The following TMEM38B variants were observed in gnomAD, a reference collection of about 807,000 sequenced individuals.
TMEM38B encodes the protein trimeric intracellular cation channel type B.
In TMEM38B, 24 loss-of-function variants were observed where a neutral mutation model predicts 28.7. That is an observed-to-expected ratio of 0.84 (90% CI 0.61 to 1.18). TMEM38B has a LOEUF of 1.18. Among genes scored for constraint, TMEM38B ranks in the 50% most tolerant of loss-of-function variants. The probability of loss-of-function intolerance (pLI) is 0.00; values close to 1 mark genes in which losing one functional copy is unlikely to be tolerated. For synonymous variants in TMEM38B, 131 were observed against 127.7 expected (o/e 1.03, Z -0.17); for missense variants, 380 against 350.9 (o/e 1.08, Z -0.66).
At chr9:105,747,612 C>T (rs1417807691) in intron 4 of TMEM38B, among the ~76,000 whole-genome samples, 1 of 152,148 alleles carries the variant, frequency 6.6e-6, no homozygotes. Context: ...TTCTTGCCTT[C>T]TGCTAGCTTT....
At chr9:105,753,955 A>G (rs1349066014) in intron 5 of TMEM38B, among the ~76,000 whole-genome samples, 1 of 152,192 alleles carries the variant, frequency 6.6e-6, no homozygotes, top group Non-Finnish European at 1.5e-5. Flanking sequence ...GGCTCAAAAT[A>G]AAGGGATGGA....
At chr9:105,704,189 A>G (rs1835562529) in intron 1 of TMEM38B, among the ~76,000 whole-genome samples, 1 of 152,098 alleles carries the variant, frequency 6.6e-6, no homozygotes, top group Admixed American at 6.5e-5. Flanking sequence ...ATATGTAACT[A>G]ACCTGCACAA....
chr9:105,774,955 T>C lies in TMEM38B; in HGVS notation c.*875T>C, dbSNP rs1826679732. On this transcript the variant is annotated 3_prime_UTR_variant, in exon 6 of 6. Transcript: ENST00000374692. ...CATTTTGCATGTTCTTTCTAATCTTTGTTGGTCTGAATATATTGGTAGTAA... is the reference window on the plus strand; with the variant it reads ...CATTTTGCATGTTCTTTCTAATCTTCGTTGGTCTGAATATATTGGTAGTAA... 1 of 152,114 alleles carries C rather than the reference T, an allele frequency of 6.6e-6. No homozygotes were observed. Among genetic ancestry groups the C allele is most frequent in the Non-Finnish European group, 1.5e-5 (1 of 67,974 alleles). The allele number at this position is 152,114 out of a possible 1,614,324, so 9.4% of individuals were successfully genotyped here. A position where few individuals can be genotyped will look rare whatever the true frequency, so the allele number is the denominator to read the frequency against.
Position 105,774,694 on chromosome 9 carries a change from C to T in TMEM38B, c.*614C>T, listed in dbSNP as rs1826670764. The T allele has an allele frequency of 6.6e-6, 1 of 151,698 alleles. No homozygotes were observed. The highest frequency in any genetic ancestry group is 1.5e-5 in the Non-Finnish European group (1 of 67,866). The allele number at this position is 151,698 out of a possible 1,614,324, so 9.4% of individuals were successfully genotyped here. A position where few individuals can be genotyped will look rare whatever the true frequency, so the allele number is the denominator to read the frequency against. On this transcript the variant is annotated 3_prime_UTR_variant, in exon 6 of 6. Transcript: ENST00000374692. ...ATTTTTTTTCCATAGCAGGTATTTT[C>T]TACTAGAAGTAGTTTTACTACTTTT...
intron 2 of TMEM38B, among the ~76,000 whole-genome samples, chr9:105,711,744 C>G (rs527679493): frequency 6.6e-6 from 1 of 151,238 alleles, no homozygotes; most frequent in South Asian, 2.1e-4. Flanking sequence ...CACCTGAACC[C>G]TGGAAGTCGA....
chr9:105,746,661 T>C (rs1226091311), intron 4 of TMEM38B, among the ~76,000 whole-genome samples: 1 of 152,176 alleles, frequency 6.6e-6, no homozygotes, highest in African/African-American at 2.4e-5. Context: ...GTGCCAGTTT[T>C]CACAGGGAAT....
At position 105,749,182 on chromosome 9, in the gene TMEM38B, A is replaced by T. The variant is rs1360432065; in HGVS notation, c.660+992A>T. On this transcript the variant is annotated intron_variant, in intron 5 of 5. Transcript: ENST00000374692. ...AGTCCTCAAATGTTGAGCCGTGTATATTTTTTTCTAACAGCTTTATTGAGA... is the reference window on the plus strand; with the variant it reads ...AGTCCTCAAATGTTGAGCCGTGTATTTTTTTTTCTAACAGCTTTATTGAGA... The T allele has an allele frequency of 4.4e-6, 5 of 1,141,558 alleles. No homozygotes were observed. The East Asian group carries it at 2.4e-4, about 54-fold the overall frequency. 70.7% of individuals were successfully genotyped at this position (1,141,558 alleles called of 1,614,324 possible). A position where few individuals can be genotyped will look rare whatever the true frequency, so the allele number is the denominator to read the frequency against.
At chr9:105,762,168 C>T (rs1049286149) in intron 5 of TMEM38B, among the ~76,000 whole-genome samples, 14 of 151,782 alleles carry the variant, frequency 9.2e-5, no homozygotes, top group African/African-American at 3.1e-4. Context: ...TGATAGTGTT[C>T]CATTTAACAT....
chr9:105,756,214 A>G (rs916642903), intron 5 of TMEM38B, among the ~76,000 whole-genome samples: 2 of 152,254 alleles, frequency 1.3e-5, no homozygotes, highest in South Asian at 2.1e-4. Flanking sequence ...ATGCAGGATT[A>G]TGGCATCTGC....
intron 4 of TMEM38B, among the ~76,000 whole-genome samples, chr9:105,737,229 C>T (rs1837017393): frequency 6.6e-6 from 1 of 152,148 alleles, no homozygotes; most frequent in African/African-American, 2.4e-5. Flanking sequence ...TTCACCACAG[C>T]AGTTTGTTCC....
chr9:105,747,562 G>T (rs1210004341), intron 4 of TMEM38B, among the ~76,000 whole-genome samples: 1 of 151,664 alleles, frequency 6.6e-6, no homozygotes, highest in Non-Finnish European at 1.5e-5. Flanking sequence ...AGGGTTTTTT[G>T]TGTCTCTATC....
intron 4 of TMEM38B, among the ~76,000 whole-genome samples, chr9:105,730,572 G>C (rs995491712): frequency 6.6e-6 from 1 of 152,136 alleles, no homozygotes; most frequent in South Asian, 2.1e-4. Flanking sequence ...GGATGATGCT[G>C]GCCTCATAAA....
At chr9:105,758,131 C>A in intron 5 of TMEM38B, 1 of 515,462 alleles carries the variant, frequency 1.9e-6, no homozygotes, top group South Asian at 2.5e-5. Flanking sequence ...GTTGCCTTCG[C>A]TGCCATGGAC....
chr9:105,762,702 A>G (rs1353545509), intron 5 of TMEM38B, among the ~76,000 whole-genome samples: 3 of 141,994 alleles, frequency 2.1e-5, no homozygotes, highest in African/African-American at 2.7e-5. Context: ...ATTGTGAATA[A>G]TGCCGCAATA....
At chr9:105,705,883 A>G (rs1835642540) in intron 2 of TMEM38B, 130 bp downstream of exon 2, 1 of 934,254 alleles carries the variant, frequency 1.1e-6, no homozygotes. Context: ...CAAGGAAGGA[A>G]CCCAAATAAT....
At chr9:105,765,608 T>G (rs1274605692) in intron 5 of TMEM38B, among the ~76,000 whole-genome samples, 2 of 152,200 alleles carry the variant, frequency 1.3e-5, no homozygotes, top group Non-Finnish European at 2.9e-5. Context: ...TGTACTCATT[T>G]TGTTTTTGAG....
intron 5 of TMEM38B, among the ~76,000 whole-genome samples, chr9:105,763,604 A>G (rs1393705892): frequency 1.3e-5 from 2 of 152,196 alleles, no homozygotes; most frequent in African/African-American, 4.8e-5. Flanking sequence ...TTACCAACCA[A>G]AAAGAGTCCA....
intron 1 of TMEM38B, among the ~76,000 whole-genome samples, chr9:105,700,643 G>T (rs115662348): frequency 0.014 from 2,111 of 152,058 alleles, 59 homozygotes; most frequent in African/African-American, 0.048. Context: ...GATTTCTGTC[G>T]TTTCTATGAA....
intron 4 of TMEM38B, among the ~76,000 whole-genome samples, chr9:105,726,183 A>C (rs1381970405): frequency 6.6e-6 from 1 of 152,116 alleles, no homozygotes; most frequent in South Asian, 2.1e-4. Flanking sequence ...ACAATAAATT[A>C]TTGTTAACTA....
Sources: gnomAD v4.1 joint callset for allele counts (sites outside exome capture counted in the v4.1 genomes callset) on GRCh38, gnomAD v4.1.1 for gene constraint, MANE v1.5 for transcripts, NCBI Gene and HGNC (gene_info 2026-07-23, HGNC 2026-07-21) for gene names.